The following LBX2 variants were observed in gnomAD, a reference collection of about 807,000 sequenced individuals.
LBX2 encodes transcription factor LBX2.
A neutral mutation model predicts 7.5 loss-of-function variants in LBX2; 6 were observed. That is an observed-to-expected ratio of 0.80 (90% CI 0.44 to 1.59). LBX2 has a LOEUF of 1.59. Among genes scored for constraint, LBX2 ranks in the 40% most tolerant of loss-of-function variants. The pLI is 0.01. For synonymous variants in LBX2, 143 were observed against 133.2 expected (o/e 1.07, Z -0.51); for missense variants, 281 against 282.0 (o/e 1.00, Z 0.03).
rs1674385429 is a variant in LBX2, at chr2:74,497,846, A to T, written c.*81T>A. 1 of 1,415,810 alleles carries T rather than the reference A, an allele frequency of 7.1e-7. No individual in the cohort carries two copies. The highest frequency in any genetic ancestry group is 2.6e-5 in the East Asian group (1 of 38,758). 87.7% of individuals were successfully genotyped at this position (1,415,810 alleles called of 1,614,324 possible). On this transcript the variant is annotated 3_prime_UTR_variant, in exon 2 of 2. Transcript: ENST00000377566. The stretch of plus-strand genomic sequence containing the variant: ...AGGCCCAAGTGGACCTCCTTCCTCC[A>T]CCCTGGAACTCTGGCCAGAGGCAGA...
chr2:74,498,677 C>T (rs10454145), intron 1 of LBX2: 51,601 of 284,472 alleles, frequency 0.18, 8,391 homozygotes, highest in East Asian at 0.83. Flanking sequence ...AGGGTGACAT[C>T]AGAGGCGAGT....
chr2:74,499,125 C>G lies in LBX2; in HGVS notation c.205+208G>C, dbSNP rs988183939. 1 of 601,602 alleles carries G rather than the reference C, an allele frequency of 1.7e-6. No individual in the cohort carries two copies. The highest frequency in any genetic ancestry group is 3.0e-6 in the Non-Finnish European group (1 of 338,224). The allele number at this position is 601,602 out of a possible 1,614,324, so 37.3% of individuals were successfully genotyped here. On this transcript the variant is annotated intron_variant, in intron 1 of 1. Coordinates refer to ENST00000377566, the MANE Select transcript of LBX2 (RefSeq NM_001282430.2). This position sits in a 1 kb window ranked among gnomAD's most constrained non-coding sequence, Gnocchi z 4.6. ...GACGGTCTGCCCTTTTCCCTTGGCACTGGCGGCCTTCCGGAGCCGCCGCGG... is the reference window on the plus strand; with the variant it reads ...GACGGTCTGCCCTTTTCCCTTGGCAGTGGCGGCCTTCCGGAGCCGCCGCGG...
upstream of LBX2, chr2:74,502,610 C>A: frequency 3.2e-6 from 5 of 1,552,836 alleles, 1 homozygote; most frequent in South Asian, 5.6e-5. The surrounding 1 kb of genome is among the most constrained non-coding windows in gnomAD (Gnocchi z 5.4). Context: ...GGATTGTTTT[C>A]TCTTTCAGAA....
upstream of LBX2, chr2:74,502,708 G>T (rs373496462): frequency 4.3e-6 from 7 of 1,614,060 alleles, no homozygotes; most frequent in African/African-American, 9.3e-5. This position sits in a 1 kb window ranked among gnomAD's most constrained non-coding sequence, Gnocchi z 5.4. Flanking sequence ...CGCCCTGGAC[G>T]CTGTTTTGCA....
At chr2:74,502,666 CTT>C, upstream of LBX2, 1 of 1,613,824 alleles carries the variant, frequency 6.2e-7, no homozygotes, top group East Asian at 2.2e-5. This position sits in a 1 kb window ranked among gnomAD's most constrained non-coding sequence, Gnocchi z 5.4. Flanking sequence ...AGTTTCGTGA[CTT>C]TGGGGGCGGC....
Position 74,499,506 on chromosome 2 carries a change from C to T in LBX2, c.32G>A (p.Arg11Gln), listed in dbSNP as rs865851171. The T allele has an allele frequency of 2.6e-6, 4 of 1,549,472 alleles. No homozygotes were observed. The highest frequency in any genetic ancestry group is 1.7e-6 in the Non-Finnish European group (2 of 1,146,464). ...GATGTCTGCGATGCTTAAGAGTGTC[C>T]GGGGTGTTCGGGGCTCGCGTCCCGA... MNSGREPRTP[R>Q]TLLSIADILA... The change falls in exon 1 of 2, where the codon CGG becomes CAG. Residue 11 changes from arginine to glutamine, a missense_variant. Arg to Gln is a conservative substitution (Grantham distance 43). This residue lies in a region of LBX2 where 216 missense variants were observed against 208.7 expected (regional missense o/e 1.03). Transcript: ENST00000377566. The surrounding 1 kb of genome is among the most constrained non-coding windows in gnomAD (Gnocchi z 4.6).
At chr2:74,502,886 TGA>T (rs1159105381), upstream of LBX2, 20 of 1,572,382 alleles carry the variant, frequency 1.3e-5, no homozygotes, top group Admixed American at 3.5e-5. This position sits in a 1 kb window ranked among gnomAD's most constrained non-coding sequence, Gnocchi z 5.4. Flanking sequence ...CTGGCCAGGC[TGA>T]GAGAGGGACC....
chr2:74,499,547 G>C lies in LBX2; in HGVS notation c.-10C>G, dbSNP rs948662088. ...CGCGTCCCGAGTTCATGGTCGGCCGGGCTGGGGCGGTCCGGCTGTCCGTTG... is the reference window on the plus strand; with the variant it reads ...CGCGTCCCGAGTTCATGGTCGGCCGCGCTGGGGCGGTCCGGCTGTCCGTTG... On this transcript the variant is annotated 5_prime_UTR_variant, in exon 1 of 2. Coordinates refer to ENST00000377566, the MANE Select transcript of LBX2 (RefSeq NM_001282430.2). This position sits in a 1 kb window ranked among gnomAD's most constrained non-coding sequence, Gnocchi z 4.6. 2 of 1,543,400 alleles carry C rather than the reference G, an allele frequency of 1.3e-6. No homozygotes were observed. The highest frequency in any genetic ancestry group is 2.0e-5 in the Admixed American group (1 of 50,880).
chr2:74,502,663 T>C (rs1316331691), upstream of LBX2: 1 of 1,613,830 alleles, frequency 6.2e-7, no homozygotes. This position sits in a 1 kb window ranked among gnomAD's most constrained non-coding sequence, Gnocchi z 5.4. Flanking sequence ...CTTAGTTTCG[T>C]GACTTTGGGG....
chr2:74,499,871 G>A (rs997191807), upstream of LBX2, among the ~76,000 whole-genome samples: 2 of 152,226 alleles, frequency 1.3e-5, no homozygotes, highest in Non-Finnish European at 2.9e-5. This position sits in a 1 kb window ranked among gnomAD's most constrained non-coding sequence, Gnocchi z 4.6. Context: ...CATACCTCCA[G>A]ACGCTGTATG....
chr2:74,497,819 A>G lies in LBX2; in HGVS notation c.*108T>C, dbSNP rs1208347713. 1 of 1,201,666 alleles carries G rather than the reference A, an allele frequency of 8.3e-7. No homozygotes were observed. The highest frequency in any genetic ancestry group is 1.1e-6 in the Non-Finnish European group (1 of 879,978). The allele number at this position is 1,201,666 out of a possible 1,614,324, so 74.4% of individuals were successfully genotyped here. ...GTGAGCGTCTGGACTGTGGGCCGGA[A>G]GAGGCCCAAGTGGACCTCCTTCCTC... On this transcript the variant is annotated 3_prime_UTR_variant, in exon 2 of 2. Transcript: ENST00000377566.
In LBX2 at chr2:74,498,061, G is replaced by T. The variant is rs1282510313; in HGVS notation, c.463C>A (p.Arg155Ser). Residue 155 changes from arginine to serine, a missense_variant, in exon 2 of 2, where the codon CGC becomes AGC. Coordinates refer to ENST00000377566, the MANE Select transcript of LBX2 (RefSeq NM_001282430.2). ...EEMRADVASL[R>S]ALSPEVLCSL... ...CACAGGACTTCCGGGGACAACGCGC[G>T]TAGCGAGGCGACGTCGGCGCGCATC... 2 of 1,613,458 alleles carry T rather than the reference G, an allele frequency of 1.2e-6. No individual in the cohort carries two copies. The highest frequency in any genetic ancestry group is 1.7e-6 in the Non-Finnish European group (2 of 1,179,848).
rs1172953603 is a variant in LBX2, at chr2:74,499,197, C to T, written c.205+136G>A. ...GAGGTGAGAAGTCGCAGGTGCGAGT[C>T]CTGGCACGTGGGCTGAGGACAGGGG... On this transcript the variant is annotated intron_variant, in intron 1 of 1. Transcript: ENST00000377566. This position sits in a 1 kb window ranked among gnomAD's most constrained non-coding sequence, Gnocchi z 4.6. 30 of 780,716 alleles carry T rather than the reference C, an allele frequency of 3.8e-5. No homozygotes were observed. In the South Asian group the frequency reaches 4.9e-4, roughly 13 times the overall value. The allele number at this position is 780,716 out of a possible 1,614,324, so 48.4% of individuals were successfully genotyped here. A position where few individuals can be genotyped will look rare whatever the true frequency, so the allele number is the denominator to read the frequency against.
Position 74,498,231 on chromosome 2 carries a change from A to C in LBX2, c.293T>G (p.Leu98Arg). The C allele has an allele frequency of 6.2e-7, 1 of 1,607,858 alleles. No homozygotes were observed. Among genetic ancestry groups the C allele is most frequent in the East Asian group, 2.2e-5 (1 of 44,850 alleles). The stretch of plus-strand genomic sequence containing the variant: ...GAAGACGAAGCGCCGCTCCAGCTCC[A>C]GCACCTGTTGCGCGGTGAACGCAGT... Reference protein sequence around the residue: ...SRTAFTAQQVLELERRFVFQK... With the variant: ...SRTAFTAQQVRELERRFVFQK... The change falls in exon 2 of 2, where the codon CTG (leucine) becomes CGG (arginine). Residue 98 changes from leucine to arginine, a missense_variant. Physicochemically the swap from Leu to Arg is moderately radical, Grantham distance 102. Coordinates refer to ENST00000377566, the MANE Select transcript of LBX2 (RefSeq NM_001282430.2).
Position 74,498,180 on chromosome 2 carries a change from C to T in LBX2, c.344G>A (p.Arg115Gln), listed in dbSNP as rs1558591303. The change falls in exon 2 of 2, where the codon CGA (arginine) becomes CAA (glutamine). Residue 115 changes from arginine to glutamine, a missense_variant. This residue lies in a region of LBX2 where 216 missense variants were observed against 208.7 expected (regional missense o/e 1.03). Coordinates refer to ENST00000377566, the MANE Select transcript of LBX2 (RefSeq NM_001282430.2). ...GCCGAGTCGCGTAGCTAGCCCGTCT[C>T]GCTCGGACGGCGCCAGGTACTTCTG... ...VFQKYLAPSE[R>Q]DGLATRLGLA... 3 of 1,612,460 alleles carry T rather than the reference C, an allele frequency of 1.9e-6. No individual in the cohort carries two copies. Among genetic ancestry groups the T allele is most frequent in the Admixed American group, 1.7e-5 (1 of 60,002 alleles).
rs2104303425 is a variant in LBX2 at position 74,499,603 on chromosome 2, T to C, written c.-66A>G. The C allele has an allele frequency of 6.8e-7, 1 of 1,477,650 alleles. No homozygotes were observed. Among genetic ancestry groups the C allele is most frequent in the Non-Finnish European group, 9.1e-7 (1 of 1,101,154 alleles). The allele number at this position is 1,477,650 out of a possible 1,614,324, so 91.5% of individuals were successfully genotyped here. A position where few individuals can be genotyped will look rare whatever the true frequency, so the allele number is the denominator to read the frequency against. On this transcript the variant is annotated 5_prime_UTR_variant, in exon 1 of 2. Transcript: ENST00000377566. This position sits in a 1 kb window ranked among gnomAD's most constrained non-coding sequence, Gnocchi z 4.6. ...GGCTCCGCAAACGCCTGGGCCCCAG[T>C]GCTCGGCTCCCAATCCGGGCCCCCA... is the stretch of plus-strand genomic sequence containing the variant.
rs1417252261 is a variant in LBX2, at chr2:74,498,090, T to C, written c.434A>G (p.Glu145Gly). The change falls in exon 2 of 2, where the codon GAG becomes GGG. Residue 145 changes from glutamate to glycine, a missense_variant. Around this residue, in one of 3 missense-constraint regions of LBX2, gnomAD observed 216 missense variants for 208.7 expected, o/e 1.03. Transcript: ENST00000377566. ...NRRAKLKRDV[E>G]EMRADVASLR... The stretch of plus-strand genomic sequence containing the variant: ...CGAGGCGACGTCGGCGCGCATCTCC[T>C]CCACATCGCGCTTGAGCTTGGCTCG... 6.2e-6 allele frequency: 10 copies of C among 1,613,198 alleles called. No homozygotes were observed. Among genetic ancestry groups the C allele is most frequent in the Non-Finnish European group, 8.5e-6 (10 of 1,179,776 alleles).
rs768612844 is a variant in LBX2, at chr2:74,499,515, C to T, written c.23G>A (p.Arg8Gln). ...GATGCTTAAGAGTGTCCGGGGTGTT[C>T]GGGGCTCGCGTCCCGAGTTCATGGT... MNSGREP[R>Q]TPRTLLSIAD... Residue 8 changes from arginine (R) to glutamine (Q), a missense_variant, in exon 1 of 2, where the codon CGA (arginine) becomes CAA (glutamine). By Grantham distance (43) the Arg-to-Gln change is conservative. Transcript: ENST00000377566. This position sits in a 1 kb window ranked among gnomAD's most constrained non-coding sequence, Gnocchi z 4.6. 14 of 1,548,810 alleles carry T rather than the reference C, an allele frequency of 9.0e-6. No individual in the cohort carries two copies. In the South Asian group the frequency reaches 9.5e-5, roughly 11 times the overall value.
chr2:74,498,476 T>G (rs1447975114), intron 1 of LBX2, among the ~76,000 whole-genome samples, 158 bp from the exon 2 acceptor site: 1 of 151,668 alleles, frequency 6.6e-6, no homozygotes, highest in Non-Finnish European at 1.5e-5. Context: ...TTATCGGGAG[T>G]CAGGCCCAGG....
Sources: allele counts gnomAD v4.1 joint callset (sites outside exome capture counted in the v4.1 genomes callset), GRCh38; gene constraint gnomAD v4.1.1; regional missense constraint gnomAD v4.1.1; non-coding constraint Gnocchi (gnomAD v3.1); transcripts MANE v1.5; gene names NCBI Gene and HGNC (gene_info 2026-07-23, HGNC 2026-07-21).